LRCH2: variants seen among roughly 807,000 people sequenced by gnomAD.
LRCH2 encodes the protein leucine rich repeats and calponin homology domain containing 2.
Under a neutral mutation model 68.9 loss-of-function variants are expected in LRCH2, and 38 were observed. The observed-to-expected ratio is 0.55, with a 90% CI of 0.43 to 0.72. The LOEUF (loss-of-function observed/expected upper bound fraction) is 0.72, where lower values mean the gene tolerates loss of function less well. Among genes scored for constraint, LRCH2 ranks in the 30% least tolerant of loss-of-function variants. The pLI is 0.00. For missense variants in LRCH2, 528 were observed against 572.9 expected (o/e 0.92, Z 0.80); for synonymous variants, 191 against 208.1 (o/e 0.92, Z 0.71).
chrX:115,149,681 T>A, intron 14 of LRCH2, 146 bp downstream of exon 14: 1 of 402,948 alleles, frequency 2.5e-6, no homozygotes, highest in South Asian at 5.2e-5. Flanking sequence ...AATTAGATTG[T>A]ATTACCCCAT....
chrX:115,129,303 T>C (rs2072223778), intron 15 of LRCH2, among the ~76,000 whole-genome samples: 2 of 110,737 alleles, frequency 1.8e-5, no homozygotes, highest in African/African-American at 6.6e-5. Flanking sequence ...TCTTGTGGAG[T>C]TGGTGCAATG....
intron 14 of LRCH2, among the ~76,000 whole-genome samples, chrX:115,145,943 A>G (rs1336840664): frequency 8.9e-6 from 1 of 112,293 alleles, no homozygotes; most frequent in Admixed American, 9.5e-5. Context: ...CTGGGTATAT[A>G]ACCCAAAGAA....
Position 115,118,818 on chromosome X carries a change from C to T in LRCH2, c.2178+3709G>A, listed in dbSNP as rs782774196. 1.1e-3 allele frequency among the ~76,000 whole-genome samples: 120 copies of T among 110,298 alleles called. 2 individuals carry two copies. Among genetic ancestry groups the T allele is most frequent in the African/African-American group, 3.7e-3 (111 of 30,305 alleles). On this transcript the variant is annotated intron_variant, in intron 20 of 20. Coordinates refer to ENST00000317135, the MANE Select transcript of LRCH2 (RefSeq NM_020871.4). The stretch of plus-strand genomic sequence containing the variant: ...AGCAGCACATCAAAAAGCTTATCCA[C>T]CATGATCAAGTGGGCTTCATCCCTG...
intron 14 of LRCH2, among the ~76,000 whole-genome samples, chrX:115,143,814 GC>G (rs1451838691): frequency 4.5e-5 from 5 of 111,987 alleles, no homozygotes; most frequent in African/African-American, 1.6e-4. Flanking sequence ...AGGGATGCAA[GC>G]ATGGTTCAAC....
intron 7 of LRCH2, 110 bp from the exon 8 acceptor site, chrX:115,166,062 T>C: frequency 1.5e-6 from 1 of 677,517 alleles, no homozygotes; most frequent in Non-Finnish European, 2.2e-6. Flanking sequence ...ACATCTCCAG[T>C]TTTCAAACCC....
At position 115,111,562 on chromosome X, in the gene LRCH2, C is replaced by G. The variant is rs1556522762; in HGVS notation, c.*1654G>C. 1 of 109,180 alleles carries G rather than the reference C, an allele frequency of 9.2e-6. No homozygotes were observed. Among genetic ancestry groups the G allele is most frequent in the Non-Finnish European group, 1.9e-5 (1 of 52,433 alleles). The allele number at this position is 109,180 out of a possible 1,213,427, so 9.0% of individuals were successfully genotyped here. On this transcript the variant is annotated 3_prime_UTR_variant, in exon 21 of 21. Transcript: ENST00000317135. Reference sequence around the variant, plus strand: ...TTATGTCAGCGAGTTTTTTTTTTATCCAACTAAAAAATTAACAACTAATGA... The same window carrying G: ...TTATGTCAGCGAGTTTTTTTTTTATGCAACTAAAAAATTAACAACTAATGA...
At chrX:115,163,069 G>C (rs1321434420) in intron 11 of LRCH2, among the ~76,000 whole-genome samples, 1 of 111,337 alleles carries the variant, frequency 9.0e-6, no homozygotes, top group Non-Finnish European at 1.9e-5. Flanking sequence ...CTTGAAGAAA[G>C]CCTAGCCAAA....
At chrX:115,192,491 G>A (rs2072851019) in intron 1 of LRCH2, 26 of 1,169,980 alleles carry the variant, frequency 2.2e-5, no homozygotes, top group Non-Finnish European at 2.7e-5. Flanking sequence ...GGTCGAGACC[G>A]GGTAGGCAGA....
intron 5 of LRCH2, among the ~76,000 whole-genome samples, chrX:115,172,476 C>A (rs781847032): frequency 8.9e-6 from 1 of 112,066 alleles, no homozygotes; most frequent in African/African-American, 3.2e-5. Flanking sequence ...CTATATAAAT[C>A]TCTGCTATTA....
At chrX:115,198,200 A>G (rs1448383493) in intron 1 of LRCH2, among the ~76,000 whole-genome samples, 5 of 110,073 alleles carry the variant, frequency 4.5e-5, no homozygotes, top group Non-Finnish European at 9.5e-5. Flanking sequence ...TTCCTGAGGG[A>G]TATGAGAGAT....
chrX:115,191,997 C>T, intron 1 of LRCH2: 2 of 1,167,635 alleles, frequency 1.7e-6, no homozygotes, highest in Admixed American at 2.6e-5. Flanking sequence ...ACGACCGGAG[C>T]CACCGCTATG....
In LRCH2 at chrX:115,234,059, T is replaced by C. The variant is rs1435358607; in HGVS notation, c.-18A>G. ...GCCGCCATGTTCCTGGGAGAGAGAA[T>C]AGCCCCCGACAATACTGTCAGCCTG... On this transcript the variant is annotated 5_prime_UTR_variant, in exon 1 of 21. Transcript: ENST00000317135. 1.2e-5 allele frequency: 14 copies of C among 1,160,902 alleles called. No individual in the cohort carries two copies. Among genetic ancestry groups the C allele is most frequent in the Middle Eastern group, 4.7e-4 (2 of 4,276 alleles).
chrX:115,193,044 G>C, intron 1 of LRCH2, among the ~76,000 whole-genome samples: 1 of 111,461 alleles, frequency 9.0e-6, no homozygotes, highest in Non-Finnish European at 1.9e-5. Flanking sequence ...ATTGTGGGTG[G>C]AGAGTGGGAG....
chrX:115,195,990 C>T (rs1468310181), intron 1 of LRCH2, among the ~76,000 whole-genome samples: 2 of 111,964 alleles, frequency 1.8e-5, no homozygotes, highest in Admixed American at 9.5e-5. Context: ...TGGGAATCTG[C>T]AGCACCAGTC....
At chrX:115,158,984 T>C (rs1393321670) in intron 11 of LRCH2, among the ~76,000 whole-genome samples, 1 of 111,754 alleles carries the variant, frequency 8.9e-6, no homozygotes, top group African/African-American at 3.2e-5. Context: ...TAATAATACA[T>C]ATCAACTTTT....
intron 1 of LRCH2, among the ~76,000 whole-genome samples, chrX:115,226,319 G>C (rs1436279570): frequency 8.9e-6 from 1 of 111,770 alleles, no homozygotes; most frequent in Non-Finnish European, 1.9e-5. Flanking sequence ...ATAAAACATA[G>C]TGTATGTATT....
At chrX:115,170,594 C>A (rs2072597325) in intron 5 of LRCH2, among the ~76,000 whole-genome samples, 162 bp from the exon 6 acceptor site, 1 of 111,620 alleles carries the variant, frequency 9.0e-6, no homozygotes, top group South Asian at 3.8e-4. Context: ...GTGGAAAAAT[C>A]TGACAACACT....
chrX:115,127,903 A>G (rs782309695), intron 15 of LRCH2, among the ~76,000 whole-genome samples: 1 of 111,611 alleles, frequency 9.0e-6, no homozygotes, highest in African/African-American at 3.3e-5. Flanking sequence ...GTGGCAAGCA[A>G]GGGCTTGATA....
At chrX:115,222,509 C>A (rs1249097858) in intron 1 of LRCH2, among the ~76,000 whole-genome samples, 1 of 111,796 alleles carries the variant, frequency 8.9e-6, no homozygotes, top group Non-Finnish European at 1.9e-5. Context: ...CTAATGAATC[C>A]ATTTAAAAGA....
Sources: allele counts gnomAD v4.1 joint callset (sites outside exome capture counted in the v4.1 genomes callset), GRCh38; gene constraint gnomAD v4.1.1; transcripts MANE v1.5; gene names NCBI Gene and HGNC (gene_info 2026-07-23, HGNC 2026-07-21).